The following SARDH variants were observed in gnomAD, a reference collection of about 807,000 sequenced individuals.
The protein encoded by SARDH is sarcosine dehydrogenase.
SARDH carries 95 observed loss-of-function variants against 109.1 expected under a neutral mutation model. The ratio of observed to expected loss-of-function variants is 0.87; its 90% CI spans 0.74 to 1.03. SARDH has a LOEUF of 1.03. Ranked by LOEUF, SARDH falls within the 50% of genes least tolerant of loss-of-function variation. The pLI is 0.00. For missense variants in SARDH, 1,267 were observed against 1,287.8 expected (o/e 0.98, Z 0.25); for synonymous variants, 572 against 534.8 (o/e 1.07, Z -0.96).
rs903720473 is a variant in SARDH at position 133,694,445 on chromosome 9, G to A, written c.1808-74C>T. 5.7e-6 allele frequency: 7 copies of A among 1,225,152 alleles called. No homozygotes were observed. The Admixed American group carries it at 1.2e-4, about 22-fold the overall frequency. 75.9% of individuals were successfully genotyped at this position (1,225,152 alleles called of 1,614,324 possible). A position where few individuals can be genotyped will look rare whatever the true frequency, so the allele number is the denominator to read the frequency against. Reference sequence around the variant, plus strand: ...TCTGTGCTGCCTCAGTTTCCCCAGGGCCGCTCACAGGGGCAGCTCCTTGTC... The same window carrying A: ...TCTGTGCTGCCTCAGTTTCCCCAGGACCGCTCACAGGGGCAGCTCCTTGTC... On this transcript the variant is annotated intron_variant, in intron 14 of 20. Transcript: ENST00000439388.
intron 2 of SARDH, 43 bp downstream of exon 2, chr9:133,733,800 A>G (rs781126818): frequency 9.2e-6 from 13 of 1,416,604 alleles, no homozygotes; most frequent in Non-Finnish European, 1.2e-5. Flanking sequence ...GCCCCTCGCT[A>G]TGTCCTATCC....
chr9:133,694,232 G>T, intron 15 of SARDH, 26 bp downstream of exon 15: 1 of 1,493,800 alleles, frequency 6.7e-7, no homozygotes, highest in Non-Finnish European at 9.1e-7. Context: ...CAGTCACAGC[G>T]CCGTGTGCAC....
chr9:133,694,295 G>A lies in SARDH; in HGVS notation c.1884C>T (p.Pro628=), dbSNP rs1831205199. 1 of 1,550,590 alleles carries A rather than the reference G, an allele frequency of 6.4e-7. No homozygotes were observed. Among genetic ancestry groups the A allele is most frequent in the East Asian group, 2.4e-5 (1 of 40,920 alleles). ...ESDLTVSRLA[P]SHQASPLAPA... ...GGGCCAGCGGGGAGGCCTGGTGGCT[G>A]GGTGCCAGGCGGCTGACAGTCAGGT... Residue 628 remains proline (P), a synonymous_variant, in exon 15 of 21, where the codon CCC becomes CCT. Transcript: ENST00000439388.
chr9:133,713,542 C>A (rs1361554545), intron 8 of SARDH, among the ~76,000 whole-genome samples: 1 of 152,256 alleles, frequency 6.6e-6, no homozygotes, highest in Non-Finnish European at 1.5e-5. Context: ...AGTTTTCTCA[C>A]TCCACTTCCC....
rs991157939 is a variant in SARDH at position 133,666,219 on chromosome 9, A to T, written c.2631+516T>A. 6.6e-6 allele frequency among the ~76,000 whole-genome samples: 1 copy of T among 151,112 alleles called. No individual in the cohort carries two copies. Among genetic ancestry groups the T allele is most frequent in the African/African-American group, 2.4e-5 (1 of 41,246 alleles). On this transcript the variant is annotated intron_variant, in intron 20 of 20. Coordinates refer to ENST00000439388, the MANE Select transcript of SARDH (RefSeq NM_001134707.2). The surrounding 1 kb of genome is among the most constrained non-coding windows in gnomAD (Gnocchi z 5.2). ...GGGTGAGGAAAGAGAGGATAGGAAC[A>T]TGGGTCTCTGAGTCTCTAGTCGGTC...
intron 1 of SARDH, among the ~76,000 whole-genome samples, chr9:133,737,297 G>GAACC (rs1832916744): frequency 2.0e-5 from 3 of 152,228 alleles, no homozygotes; most frequent in Non-Finnish European, 4.4e-5. Context: ...GAGTCTGATT[G>GAACC]CAGCGGCGTA....
rs190945241 is a variant in SARDH at position 133,712,791 on chromosome 9, G to A, written c.1238-82C>T. On this transcript the variant is annotated intron_variant, in intron 9 of 20. Transcript: ENST00000439388. The surrounding 1 kb of genome is among the most constrained non-coding windows in gnomAD (Gnocchi z 4.1). ...TCCAAACATGTGCCCCCATCTCCAC[G>A]GACAGCACAGACACTCCAAGCTCTG... is the stretch of plus-strand genomic sequence containing the variant. 2,276 of 1,315,622 alleles carry A rather than the reference G, an allele frequency of 1.7e-3. 4 individuals carry two copies. The highest frequency in any genetic ancestry group is 2.0e-3 in the Non-Finnish European group (1,858 of 934,962). The allele number at this position is 1,315,622 out of a possible 1,614,324, so 81.5% of individuals were successfully genotyped here.
At chr9:133,732,255 GC>G (rs1832711107) in intron 3 of SARDH, among the ~76,000 whole-genome samples, 167 bp downstream of exon 3, 1 of 84,548 alleles carries the variant, frequency 1.2e-5, no homozygotes, top group South Asian at 3.6e-4. Flanking sequence ...CCCCACCCCA[GC>G]CCCCCGCAGG....
intron 19 of SARDH, chr9:133,667,179 T>C: frequency 1.8e-6 from 1 of 546,122 alleles, no homozygotes; most frequent in South Asian, 2.7e-5. Context: ...TTCCTTCCAT[T>C]GTTGTTCAAC....
intron 10 of SARDH, among the ~76,000 whole-genome samples, chr9:133,711,035 C>T (rs1200621787): frequency 6.6e-6 from 1 of 152,252 alleles, no homozygotes; most frequent in Admixed American, 6.5e-5. Flanking sequence ...CAGAGCAGCC[C>T]ATGGCACACT....
chr9:133,705,015 C>G lies in SARDH; in HGVS notation c.1487G>C (p.Gly496Ala), dbSNP rs751351560. 2 of 1,592,044 alleles carry G rather than the reference C, an allele frequency of 1.3e-6. No individual in the cohort carries two copies. Among genetic ancestry groups the G allele is most frequent in the East Asian group, 4.5e-5 (2 of 44,112 alleles). Residue 496 changes from glycine to alanine, a missense_variant, in exon 12 of 21, where the codon GGC (glycine) becomes GCC (alanine). Transcript: ENST00000439388. ...DPLHEELLGQ[G>A]CVFQERHGWE... is the part of the protein sequence containing the mutation. ...GCCATGCCGCTCCTGGAACACGCAG[C>G]CTTGTCCAAGGAGTTCCTGAGCAGG... is the stretch of plus-strand genomic sequence containing the variant.
At chr9:133,675,702 T>C (rs1023837232) in intron 17 of SARDH, among the ~76,000 whole-genome samples, 10 of 152,178 alleles carry the variant, frequency 6.6e-5, no homozygotes, top group African/African-American at 1.9e-4. Context: ...CCCAAAGGAA[T>C]TGAAAGGAGG....
chr9:133,733,656 C>A (rs1263914824), intron 2 of SARDH, among the ~76,000 whole-genome samples, 187 bp downstream of exon 2: 2 of 152,252 alleles, frequency 1.3e-5, no homozygotes, highest in Non-Finnish European at 2.9e-5. Context: ...CACCACAGCT[C>A]TTCAGCGACT....
chr9:133,674,078 G>A (rs1412921179), intron 17 of SARDH, among the ~76,000 whole-genome samples: 2 of 152,238 alleles, frequency 1.3e-5, no homozygotes, highest in Non-Finnish European at 2.9e-5. Context: ...AAATCCAGGG[G>A]CCTCTCTAAG....
In SARDH at chr9:133,727,312, CT is replaced by C. The variant is rs573671893; in HGVS notation, c.915+2452del. Among the ~76,000 whole-genome samples, 21 of 152,348 alleles carry C rather than the reference CT, an allele frequency of 1.4e-4. No individual in the cohort carries two copies. In the East Asian group the frequency reaches 4.1e-3, roughly 29 times the overall value. ...AAGAAAGATGAACCACACGTGAGAC[CT>C]GAGCCCTCACCTGCCAGCTGGAGCC... On this transcript the variant is annotated intron_variant, in intron 6 of 20. Coordinates refer to ENST00000439388, the MANE Select transcript of SARDH (RefSeq NM_001134707.2).
downstream of SARDH, among the ~76,000 whole-genome samples, chr9:133,661,233 T>C (rs987036601): frequency 6.6e-6 from 1 of 151,680 alleles, no homozygotes; most frequent in Admixed American, 6.6e-5. Context: ...CCTAGCTATT[T>C]GGGAGGCTGA....
At chr9:133,711,739 C>T (rs1241412786) in intron 10 of SARDH, among the ~76,000 whole-genome samples, 2 of 152,218 alleles carry the variant, frequency 1.3e-5, no homozygotes, top group African/African-American at 4.8e-5. Context: ...CCCAGGGAGG[C>T]TGTCCACCAG....
At chr9:133,701,355 C>A (rs1187485518) in intron 13 of SARDH, among the ~76,000 whole-genome samples, 1 of 152,252 alleles carries the variant, frequency 6.6e-6, no homozygotes, top group African/African-American at 2.4e-5. Context: ...CCCCACCAGG[C>A]ATCACTGTCC....
chr9:133,693,128 A>C lies in SARDH; in HGVS notation c.1921+1130T>G. 7.0e-6 allele frequency among the ~76,000 whole-genome samples: 1 copy of C among 143,822 alleles called. No individual in the cohort carries two copies. The highest frequency in any genetic ancestry group is 1.5e-5 in the Non-Finnish European group (1 of 65,752). 94.4% of individuals were successfully genotyped at this position (143,822 alleles called of 152,430 possible). On this transcript the variant is annotated intron_variant, in intron 15 of 20. Coordinates refer to ENST00000439388, the MANE Select transcript of SARDH (RefSeq NM_001134707.2). The surrounding 1 kb of genome is among the most constrained non-coding windows in gnomAD (Gnocchi z 5.6). ...CCTCTTGACCCATCTAACATCCTAC[A>C]CCTTCCACTTATTTTATTTTTTTAA...
Sources: gnomAD v4.1 joint callset for allele counts (sites outside exome capture counted in the v4.1 genomes callset) on GRCh38, gnomAD v4.1.1 for gene constraint, Gnocchi (gnomAD v3.1) non-coding constraint, MANE v1.5 for transcripts, NCBI Gene and HGNC (gene_info 2026-07-23, HGNC 2026-07-21) for gene names.